ZNF75D: variants seen among roughly 807,000 people sequenced by gnomAD.
ZNF75D encodes zinc finger protein 75.
ZNF75D carries 33 observed loss-of-function variants against 33.3 expected under a neutral mutation model. The ratio of observed to expected loss-of-function variants is 0.99; its 90% CI spans 0.75 to 1.32. The LOEUF (loss-of-function observed/expected upper bound fraction) is 1.32, where lower values mean the gene tolerates loss of function less well. Among genes scored for constraint, ZNF75D ranks in the 40% most tolerant of loss-of-function variants. The pLI is 0.00. For missense variants in ZNF75D, 338 were observed against 367.5 expected (o/e 0.92, Z 0.66); for synonymous variants, 113 against 130.6 (o/e 0.87, Z 0.92).
At chrX:135,322,912 T>C (rs1217636882) in intron 1 of ZNF75D, among the ~76,000 whole-genome samples, 1 of 112,156 alleles carries the variant, frequency 8.9e-6, no homozygotes, top group Non-Finnish European at 1.9e-5. Context: ...GTACTTTGTT[T>C]AAATGTAGTG....
chrX:135,278,990 G>A (rs1408774306), intron 1 of ZNF75D, among the ~76,000 whole-genome samples: 1 of 111,626 alleles, frequency 9.0e-6, no homozygotes, highest in African/African-American at 3.3e-5. Flanking sequence ...GTATCAGGAT[G>A]ATGCTGACCT....
At chrX:135,257,079 T>C (rs192466981) in intron 1 of ZNF75D, among the ~76,000 whole-genome samples, 2 of 111,576 alleles carry the variant, frequency 1.8e-5, no homozygotes, top group African/African-American at 6.5e-5. Flanking sequence ...CGTGCTGACT[T>C]CAGGGATGAC....
intron 1 of ZNF75D, among the ~76,000 whole-genome samples, chrX:135,258,284 G>T (rs1407486532): frequency 1.8e-5 from 2 of 109,655 alleles, no homozygotes; most frequent in African/African-American, 6.5e-5. Context: ...ATAGTAGCAT[G>T]ATTTATAATC....
chrX:135,338,273 T>C (rs1556443291), intron 1 of ZNF75D, among the ~76,000 whole-genome samples: 1 of 111,173 alleles, frequency 9.0e-6, no homozygotes. Context: ...GTCTCCGCAA[T>C]CTGGGGTAGA....
intron 1 of ZNF75D, among the ~76,000 whole-genome samples, chrX:135,263,691 G>C (rs1021497803): frequency 3.6e-5 from 4 of 112,617 alleles, no homozygotes; most frequent in Non-Finnish European, 5.6e-5. Flanking sequence ...TATTTGGGCA[G>C]GGAGTGTCCC....
intron 1 of ZNF75D, among the ~76,000 whole-genome samples, chrX:135,334,351 A>G (rs1293339673): frequency 9.0e-6 from 1 of 111,630 alleles, no homozygotes; most frequent in Non-Finnish European, 1.9e-5. Flanking sequence ...GGATGCCTCC[A>G]GGCCTCTGGT....
intron 1 of ZNF75D, among the ~76,000 whole-genome samples, chrX:135,258,031 C>A (rs1324416847): frequency 9.2e-6 from 1 of 108,599 alleles, no homozygotes; most frequent in Non-Finnish European, 1.9e-5. Context: ...TCTCATTGTT[C>A]AATTACCACC....
chrX:135,303,818 A>G (rs1211109090), intron 1 of ZNF75D, among the ~76,000 whole-genome samples: 2 of 112,482 alleles, frequency 1.8e-5, no homozygotes, highest in Non-Finnish European at 3.8e-5. Context: ...GTTTCCCAGG[A>G]ATATACTTAA....
At chrX:135,297,706 TCAAACCCA>T (rs2084153921) in intron 1 of ZNF75D, 1 of 111,998 alleles carries the variant, frequency 8.9e-6, no homozygotes, top group African/African-American at 3.2e-5. Flanking sequence ...GTTTCCAAAG[TCAAACCCA>T]CAAACCAAGA....
At chrX:135,263,500 T>C (rs908000094) in intron 1 of ZNF75D, among the ~76,000 whole-genome samples, 2 of 112,965 alleles carry the variant, frequency 1.8e-5, no homozygotes, top group Non-Finnish European at 3.8e-5. Flanking sequence ...CCACTTTGTT[T>C]ACCTACTCAA....
Position 135,287,682 on chromosome X carries a change from G to A in ZNF75D, c.988C>T (p.His330Tyr), listed in dbSNP as rs1556420061. The change falls in exon 7 of 7, where the codon CAT becomes TAT. Residue 330 changes from histidine (H) to tyrosine (Y), a missense_variant. His to Tyr is a moderately conservative substitution (Grantham distance 83, BLOSUM62 2). Transcript: ENST00000370766. ...CTTTTCTTCCTTGGAAAAGCTCGAT[G>A]CCATTTCTGTACACTGTGTGTATCA... ...PGDTHSVQKWHRAFPRKKRKK... is the reference protein window; with the variant it reads ...PGDTHSVQKWYRAFPRKKRKK... The A allele has an allele frequency of 1.7e-6, 2 of 1,209,376 alleles. No individual in the cohort carries two copies. Among genetic ancestry groups the A allele is most frequent in the Admixed American group, 4.4e-5 (2 of 45,538 alleles).
In ZNF75D at chrX:135,287,101, C is replaced by A. The variant is rs2083963329; in HGVS notation, c.*36G>T. ...TGCCTCATAATTTTGTATTCTTTCACCACTTCTAAAGTCAAGCTCTACATG... is the reference window on the plus strand; with the variant it reads ...TGCCTCATAATTTTGTATTCTTTCAACACTTCTAAAGTCAAGCTCTACATG... On this transcript the variant is annotated 3_prime_UTR_variant, in exon 7 of 7. Transcript: ENST00000370766. The A allele has an allele frequency of 9.1e-7, 1 of 1,102,226 alleles. No individual in the cohort carries two copies. Among genetic ancestry groups the A allele is most frequent in the Non-Finnish European group, 1.2e-6 (1 of 816,106 alleles). The allele number at this position is 1,102,226 out of a possible 1,213,427, so 90.8% of individuals were successfully genotyped here. A position where few individuals can be genotyped will look rare whatever the true frequency, so the allele number is the denominator to read the frequency against.
chrX:135,287,205 G>A lies in ZNF75D; in HGVS notation c.1465C>T (p.Arg489Ter), dbSNP rs782065716. 2.7e-5 allele frequency: 33 copies of A among 1,209,195 alleles called. No individual in the cohort carries two copies. The highest frequency in any genetic ancestry group is 1.3e-4 in the Admixed American group (6 of 45,501). ...CSLCKRNFSRRSSLLRHQKLH... is the reference protein window; with the variant it reads ...CSLCKRNFSR ...TTCTGGTGTCTAAGAAGGCTCGATCGCCTACTAAAGTTTCTCTTGCATAAG... is the reference window on the plus strand; with the variant it reads ...TTCTGGTGTCTAAGAAGGCTCGATCACCTACTAAAGTTTCTCTTGCATAAG... Residue 489 changes from arginine to a stop codon, truncating the protein, a stop_gained, in exon 7 of 7, where the codon CGA becomes TGA. Coordinates refer to ENST00000370766, the MANE Select transcript of ZNF75D (RefSeq NM_007131.5). LOFTEE classifies it high-confidence loss of function.
chrX:135,318,086 TA>T (rs1181432192), intron 1 of ZNF75D, among the ~76,000 whole-genome samples: 145 of 97,403 alleles, frequency 1.5e-3, no homozygotes, highest in African/African-American at 5.3e-3. Flanking sequence ...TATATATATA[TA>T]TTTTTTTTTT....
chrX:135,315,424 G>A (rs2084408067), intron 1 of ZNF75D, among the ~76,000 whole-genome samples: 1 of 112,249 alleles, frequency 8.9e-6, no homozygotes, highest in African/African-American at 3.2e-5. Context: ...TGCAGTAGTT[G>A]GATGAAATGT....
chrX:135,337,262 A>G (rs2084723966), intron 1 of ZNF75D, among the ~76,000 whole-genome samples: 1 of 112,037 alleles, frequency 8.9e-6, no homozygotes, highest in South Asian at 3.7e-4. Flanking sequence ...TACAGTCATT[A>G]CACTGTTATT....
Position 135,287,470 on chromosome X carries a change from C to T in ZNF75D, c.1200G>A (p.Arg400=). The change falls in exon 7 of 7, where the codon AGG becomes AGA. Residue 400 remains arginine (R), a synonymous_variant. Transcript: ENST00000370766. ...EKPYKCQQCD[R]RFRWSSDLNK... ...TAAGATCTGAACTCCATCTAAACCT[C>T]CTGTCACATTGTTGACATTTATAGG... 4 of 1,211,183 alleles carry T rather than the reference C, an allele frequency of 3.3e-6. No homozygotes were observed. The highest frequency in any genetic ancestry group is 4.5e-6 in the Non-Finnish European group (4 of 895,148).
At chrX:135,256,687 C>A (rs2083802365) in intron 1 of ZNF75D, among the ~76,000 whole-genome samples, 1 of 111,557 alleles carries the variant, frequency 9.0e-6, no homozygotes, top group Non-Finnish European at 1.9e-5. Context: ...TGTGCCATCC[C>A]TCCTCCAACC....
chrX:135,311,679 T>C (rs1159718569), intron 1 of ZNF75D, among the ~76,000 whole-genome samples: 1 of 111,926 alleles, frequency 8.9e-6, no homozygotes, highest in African/African-American at 3.2e-5. Context: ...AATTTTGTAT[T>C]CTTTGACCAA....
Sources: allele counts gnomAD v4.1 joint callset (sites outside exome capture counted in the v4.1 genomes callset), GRCh38; gene constraint gnomAD v4.1.1; transcripts MANE v1.5; gene names NCBI Gene and HGNC (gene_info 2026-07-23, HGNC 2026-07-21).